ASPRV1: variants seen among roughly 807,000 people sequenced by gnomAD.
The protein encoded by ASPRV1 is retroviral-like aspartic protease 1.
Under a neutral mutation model 11.0 loss-of-function variants are expected in ASPRV1, and 7 were observed. The observed-to-expected ratio is 0.64, with a 90% CI of 0.36 to 1.20. The LOEUF (loss-of-function observed/expected upper bound fraction) is 1.20. Ranked by LOEUF, ASPRV1 falls within the 50% of genes most tolerant of loss-of-function variation. ASPRV1 has a pLI of 0.02. For missense variants in ASPRV1, 299 were observed against 320.0 expected (o/e 0.93, Z 0.50); for synonymous variants, 136 against 138.4 (o/e 0.98, Z 0.12).
At chr2:69,996,784 G>A in the ASPRV1 span, 1 of 455,614 alleles carries the variant, frequency 2.2e-6, no homozygotes, top group Non-Finnish European at 4.4e-6. Context: ...GGGGCTGCAG[G>A]GATGTCGGAC....
chr2:69,944,339 T>A, the ASPRV1 span, among the ~76,000 whole-genome samples: 7 of 152,250 alleles, frequency 4.6e-5, no homozygotes, highest in Non-Finnish European at 1.0e-4. Context: ...CTTGTTATGC[T>A]GTATGGGCCC....
chr2:70,041,399 C>T, the ASPRV1 span, among the ~76,000 whole-genome samples: 1 of 152,146 alleles, frequency 6.6e-6, no homozygotes, highest in Non-Finnish European at 1.5e-5. Context: ...CCCACCCAGT[C>T]GGATTTAAAT....
At chr2:69,964,956 C>G (rs142377198), upstream of ASPRV1, among the ~76,000 whole-genome samples, 462 of 152,256 alleles carry the variant, frequency 3.0e-3, 2 homozygotes, top group Middle Eastern at 0.017. Context: ...AAGCCCAAGA[C>G]TGGGCCCATC....
At chr2:70,051,497 C>T in the ASPRV1 span, among the ~76,000 whole-genome samples, 4 of 152,260 alleles carry the variant, frequency 2.6e-5, no homozygotes, top group South Asian at 6.2e-4. Flanking sequence ...AGATAGTGCA[C>T]AAGCATGCAA....
the ASPRV1 span, among the ~76,000 whole-genome samples, chr2:69,967,522 T>C: frequency 6.6e-6 from 1 of 152,120 alleles, no homozygotes; most frequent in East Asian, 1.9e-4. Context: ...GCCCTGAGAA[T>C]GAGTTAGTGC....
the ASPRV1 span, among the ~76,000 whole-genome samples, chr2:70,079,677 G>A: frequency 6.6e-6 from 1 of 152,192 alleles, no homozygotes; most frequent in Non-Finnish European, 1.5e-5. Flanking sequence ...GTGCAACAGA[G>A]TATCAAATGC....
the ASPRV1 span, among the ~76,000 whole-genome samples, chr2:70,022,416 T>G: frequency 6.8e-6 from 1 of 146,622 alleles, no homozygotes; most frequent in African/African-American, 2.5e-5. Flanking sequence ...CCAGGCACAG[T>G]GGCTCATGCC....
the ASPRV1 span, among the ~76,000 whole-genome samples, chr2:70,084,776 T>G: frequency 6.6e-6 from 1 of 152,184 alleles, no homozygotes; most frequent in East Asian, 1.9e-4. Flanking sequence ...TTTAAAAATG[T>G]GAGACACTGA....
At chr2:70,086,121 G>A in the ASPRV1 span, 2 of 152,114 alleles carry the variant, frequency 1.3e-5, no homozygotes, top group East Asian at 1.9e-4. Context: ...TTAGGCCTCC[G>A]ACCTTCAGAC....
chr2:69,950,243 G>A, the ASPRV1 span, among the ~76,000 whole-genome samples: 2 of 152,234 alleles, frequency 1.3e-5, no homozygotes, highest in African/African-American at 4.8e-5. Flanking sequence ...ACACCTGAGT[G>A]TCCTTCCCAA....
chr2:69,990,947 C>T, the ASPRV1 span, among the ~76,000 whole-genome samples: 1 of 152,180 alleles, frequency 6.6e-6, no homozygotes, highest in Non-Finnish European at 1.5e-5. Flanking sequence ...GTAGACCCTC[C>T]TTTGGCAGGG....
the ASPRV1 span, among the ~76,000 whole-genome samples, chr2:69,974,188 T>C: frequency 1.3e-5 from 2 of 151,624 alleles, no homozygotes; most frequent in Non-Finnish European, 2.9e-5. Context: ...CAATACAAAA[T>C]TAGCCAGGCA....
At chr2:69,986,695 A>T in the ASPRV1 span, among the ~76,000 whole-genome samples, 1 of 151,892 alleles carries the variant, frequency 6.6e-6, no homozygotes, top group Non-Finnish European at 1.5e-5. Flanking sequence ...GAACCATGAG[A>T]CCCCTTTCTA....
chr2:69,987,643 G>C, the ASPRV1 span, among the ~76,000 whole-genome samples: 1 of 151,866 alleles, frequency 6.6e-6, no homozygotes, highest in Non-Finnish European at 1.5e-5. Context: ...CCAGCTACTT[G>C]GGAGGCTGAG....
chr2:70,026,931 C>T, the ASPRV1 span, among the ~76,000 whole-genome samples: 1 of 152,042 alleles, frequency 6.6e-6, no homozygotes, highest in Non-Finnish European at 1.5e-5. Context: ...AGAGGCATCG[C>T]ACTACCTGAC....
At position 69,961,593 on chromosome 2, in the gene ASPRV1, C is replaced by G. The variant is rs534439179; in HGVS notation, c.-157G>C. 1 of 1,612,768 alleles carries G rather than the reference C, an allele frequency of 6.2e-7. No homozygotes were observed. ...GCAAGCAGGAGGGAGCAGGCGCGGT[C>G]GGCTGGCTGACTGCTGGGGCAGAGG... On this transcript the variant is annotated 5_prime_UTR_variant, in exon 1 of 1. Coordinates refer to ENST00000320256, the MANE Select transcript of ASPRV1 (RefSeq NM_152792.4).
At chr2:70,086,641 G>A in the ASPRV1 span, among the ~76,000 whole-genome samples, 1 of 152,248 alleles carries the variant, frequency 6.6e-6, no homozygotes, top group Admixed American at 6.5e-5. Context: ...CTGAACAAAC[G>A]AGGCCTCCAC....
the ASPRV1 span, among the ~76,000 whole-genome samples, chr2:70,052,971 A>G: frequency 6.6e-6 from 1 of 152,164 alleles, no homozygotes; most frequent in Non-Finnish European, 1.5e-5. Context: ...ACATCTTTCT[A>G]TGAGCAGAAA....
chr2:69,968,671 T>C, the ASPRV1 span, among the ~76,000 whole-genome samples: 1 of 152,208 alleles, frequency 6.6e-6, no homozygotes, highest in Non-Finnish European at 1.5e-5. Flanking sequence ...TAGTAAAAAG[T>C]AAATAATAAG....
Sources: allele counts gnomAD v4.1 joint callset (sites outside exome capture counted in the v4.1 genomes callset), GRCh38; gene constraint gnomAD v4.1.1; transcripts MANE v1.5; gene names NCBI Gene and HGNC (gene_info 2026-07-23, HGNC 2026-07-21).